ERCC3: variants seen among roughly 807,000 people sequenced by gnomAD.
ERCC3 encodes the protein general transcription and DNA repair factor IIH helicase/translocase subunit XPB.
A neutral mutation model predicts 94.2 loss-of-function variants in ERCC3; 66 were observed. The observed-to-expected ratio is 0.70, with a 90% CI of 0.57 to 0.86. ERCC3 has a LOEUF of 0.86. Ranked by LOEUF, ERCC3 falls within the 40% of genes least tolerant of loss-of-function variation. The pLI is 0.00. For missense variants in ERCC3, 829 were observed against 987.1 expected, an observed-to-expected ratio of 0.84 and a Z score of 2.15; for synonymous variants, 349 against 369.1, an observed-to-expected ratio of 0.95 and a Z score of 0.63.
chr2:127,293,967 G>C, intron 1 of ERCC3, 87 bp downstream of exon 1: 1 of 1,558,918 alleles, frequency 6.4e-7, no homozygotes, highest in Non-Finnish European at 8.6e-7. Flanking sequence ...GTCGGCCGGC[G>C]CAGAGGCCCG....
Position 127,261,218 on chromosome 2 carries a change from G to T in ERCC3, c.2064+10C>A. ...GTCCTAGTCTAACCAGAAGCCAAAT[G>T]GATATGTACCTTGAAGCTATAACCT... On this transcript the variant is annotated intron_variant, in intron 13 of 14. Coordinates refer to ENST00000285398, the MANE Select transcript of ERCC3 (RefSeq NM_000122.2). The T allele has an allele frequency of 1.3e-6, 2 of 1,542,376 alleles. No homozygotes were observed. The highest frequency in any genetic ancestry group is 2.2e-5 in the South Asian group (2 of 89,620).
chr2:127,271,522 ATAAG>A lies in ERCC3; in HGVS notation c.1828-73_1828-70del. The A allele has an allele frequency of 1.9e-6, 2 of 1,030,054 alleles. No homozygotes were observed. The highest frequency in any genetic ancestry group is 3.1e-6 in the Non-Finnish European group (2 of 649,624). The allele number at this position is 1,030,054 out of a possible 1,614,324, so 63.8% of individuals were successfully genotyped here. A position where few individuals can be genotyped will look rare whatever the true frequency, so the allele number is the denominator to read the frequency against. ...AAAAGTCAACTGATCCAGAATTTAA[ATAAG>A]TTCTGTAGATAATTTTGAAACATAA... On this transcript the variant is annotated intron_variant, in intron 11 of 14. Coordinates refer to ENST00000285398, the MANE Select transcript of ERCC3 (RefSeq NM_000122.2). This position sits in a 1 kb window ranked among gnomAD's most constrained non-coding sequence, Gnocchi z 5.0.
At chr2:127,272,007 CTTTTTTTTTTTT>C (rs59921131) in intron 11 of ERCC3, among the ~76,000 whole-genome samples, 20 of 63,056 alleles carry the variant, frequency 3.2e-4, no homozygotes, top group Middle Eastern at 0.028. Flanking sequence ...AATCTCATTT[CTTTTTTTTTTTT>C]TTTTTTTTTT....
rs1261428014 is a variant in ERCC3, at chr2:127,277,067, A to T, written c.1730+2106T>A. Among the ~76,000 whole-genome samples the T allele has an allele frequency of 6.6e-6, 1 of 152,194 alleles. No individual in the cohort carries two copies. The highest frequency in any genetic ancestry group is 1.5e-5 in the Non-Finnish European group (1 of 68,036). Reference sequence around the variant, plus strand: ...CTGGAACATGTGCTCCATCAAAATGAGTAACCAAGAGGGTGGAGATTTCAG... The same window carrying T: ...CTGGAACATGTGCTCCATCAAAATGTGTAACCAAGAGGGTGGAGATTTCAG... On this transcript the variant is annotated intron_variant, in intron 10 of 14. Transcript: ENST00000285398. This position sits in a 1 kb window ranked among gnomAD's most constrained non-coding sequence, Gnocchi z 5.1.
At chr2:127,293,765 T>G in intron 1 of ERCC3, 47 bp from the exon 2 acceptor site, 1 of 1,604,602 alleles carries the variant, frequency 6.2e-7, no homozygotes, top group East Asian at 2.2e-5. Context: ...GCCTTCAGGG[T>G]TCCCTCCGCA....
At chr2:127,272,627 A>T (rs553991270) in intron 11 of ERCC3, among the ~76,000 whole-genome samples, 2 of 152,194 alleles carry the variant, frequency 1.3e-5, no homozygotes, top group African/African-American at 4.8e-5. Flanking sequence ...CTACATCCCC[A>T]AAAGAACTGG....
At chr2:127,289,305 G>A in intron 6 of ERCC3, 32 bp downstream of exon 6, 1 of 1,606,460 alleles carries the variant, frequency 6.2e-7, no homozygotes, top group Non-Finnish European at 8.5e-7. Flanking sequence ...GCAGCTCAGT[G>A]AAGGAACCAG....
At position 127,280,699 on chromosome 2, in the gene ERCC3, A is replaced by G; in HGVS notation, c.1343-68T>C. On this transcript the variant is annotated intron_variant, in intron 8 of 14. Transcript: ENST00000285398. This position sits in a 1 kb window ranked among gnomAD's most constrained non-coding sequence, Gnocchi z 6.3. ...TTATTTTTTATTTATTTATTTTAAA[A>G]TATTTTTTGTAGAGATGGGGTCTCA... The G allele has an allele frequency of 8.5e-6, 12 of 1,405,888 alleles. No individual in the cohort carries two copies. Among genetic ancestry groups the G allele is most frequent in the Non-Finnish European group, 1.2e-5 (12 of 1,020,754 alleles). The allele number at this position is 1,405,888 out of a possible 1,614,324, so 87.1% of individuals were successfully genotyped here.
Position 127,259,552 on chromosome 2 carries a change from C to T in ERCC3, c.2065-104G>A, listed in dbSNP as rs545180132. The stretch of plus-strand genomic sequence containing the variant: ...TGCTTTGGTCACTTCCCTCCCCAGG[C>T]CCAGCCACCCTGGTGGCCAACAATG... On this transcript the variant is annotated intron_variant, in intron 13 of 14. Coordinates refer to ENST00000285398, the MANE Select transcript of ERCC3 (RefSeq NM_000122.2). This position sits in a 1 kb window ranked among gnomAD's most constrained non-coding sequence, Gnocchi z 4.9. 2.0e-6 allele frequency: 3 copies of T among 1,476,686 alleles called. No individual in the cohort carries two copies. The highest frequency in any genetic ancestry group is 2.8e-5 in the African/African-American group (2 of 72,646). 91.5% of individuals were successfully genotyped at this position (1,476,686 alleles called of 1,614,324 possible).
intron 12 of ERCC3, chr2:127,262,569 T>C (rs1474030140): frequency 1.3e-5 from 2 of 152,196 alleles, no homozygotes; most frequent in Admixed American, 6.5e-5. Flanking sequence ...TCTGACTGCA[T>C]TTACATGAAA....
intron 12 of ERCC3, among the ~76,000 whole-genome samples, chr2:127,269,113 TG>T (rs377072163): frequency 1.3e-5 from 2 of 152,366 alleles, no homozygotes; most frequent in African/African-American, 4.8e-5. Context: ...TGTTTATTTC[TG>T]GAATTTTCCA....
chr2:127,271,348 G>A lies in ERCC3; in HGVS notation c.1933C>T (p.Arg645Ter), dbSNP rs1404157087. The A allele has an allele frequency of 5.0e-6, 8 of 1,612,970 alleles. No homozygotes were observed. Among genetic ancestry groups the A allele is most frequent in the African/African-American group, 1.3e-5 (1 of 74,878 alleles). Residue 645 changes from arginine (R) to a stop codon, truncating the protein, a stop_gained, in exon 12 of 15, where the codon CGA becomes TGA. Transcript: ENST00000285398. LOFTEE classifies it high-confidence loss of function. This position sits in a 1 kb window ranked among gnomAD's most constrained non-coding sequence, Gnocchi z 5.0. The stretch of plus-strand genomic sequence containing the variant: ...AAGGCCACTTTACCTTTTTTAGCTC[G>A]AAGCACCCGCCCTAGCCTTTGGGCT... ...QEAQRLGRVL[R>*]AKKGMVAEEY...
chr2:127,257,702 C>T lies in ERCC3; in HGVS notation c.2243G>A (p.Ser748Asn). The change falls in exon 15 of 15, where the codon AGT becomes AAT. Residue 748 changes from serine (S) to asparagine (N), a missense_variant. Coordinates refer to ENST00000285398, the MANE Select transcript of ERCC3 (RefSeq NM_000122.2). The surrounding 1 kb of genome is among the most constrained non-coding windows in gnomAD (Gnocchi z 5.4). ...AGTGTCGTCGGCCCCAGACATAGAA[C>T]TCATGGTGCCAAAGCGCCGAGATGC... ...SQASRRFGTM[S>N]SMSGADDTVY... 1 of 1,614,212 alleles carries T rather than the reference C, an allele frequency of 6.2e-7. No individual in the cohort carries two copies. The highest frequency in any genetic ancestry group is 8.5e-7 in the Non-Finnish European group (1 of 1,180,044).
rs183822181 is a variant in ERCC3 at position 127,275,529 on chromosome 2, C to A, written c.1731-2568G>T. Among the ~76,000 whole-genome samples the A allele has an allele frequency of 2.6e-5, 4 of 152,260 alleles. No individual in the cohort carries two copies. In the East Asian group the frequency reaches 7.7e-4, roughly 29 times the overall value. On this transcript the variant is annotated intron_variant, in intron 10 of 14. Transcript: ENST00000285398. ...AGTGCCAGGCAAATTAACGTCCCTG[C>A]CCAAGCAGATGCTCGGGAGGCTGCG...
At chr2:127,285,522 C>G (rs1354190062) in intron 8 of ERCC3, among the ~76,000 whole-genome samples, 1 of 152,112 alleles carries the variant, frequency 6.6e-6, no homozygotes, top group Non-Finnish European at 1.5e-5. Flanking sequence ...GAAACCCTGT[C>G]TCTACTAAAA....
rs1333666444 is a variant in ERCC3 at position 127,271,589 on chromosome 2, T to C, written c.1828-136A>G. The stretch of plus-strand genomic sequence containing the variant: ...CCTCTTTATACCAGGGTCTATCTGA[T>C]GCAGGCAGAGAGAGGTGAAGCAATA... On this transcript the variant is annotated intron_variant, in intron 11 of 14. Coordinates refer to ENST00000285398, the MANE Select transcript of ERCC3 (RefSeq NM_000122.2). The surrounding 1 kb of genome is among the most constrained non-coding windows in gnomAD (Gnocchi z 5.0). The C allele has an allele frequency of 1.3e-5, 9 of 718,288 alleles. No homozygotes were observed. Among genetic ancestry groups the C allele is most frequent in the Non-Finnish European group, 2.2e-5 (9 of 407,652 alleles). 44.5% of individuals were successfully genotyped at this position (718,288 alleles called of 1,614,324 possible).
chr2:127,270,329 G>A (rs1684509411), intron 12 of ERCC3, among the ~76,000 whole-genome samples: 3 of 152,234 alleles, frequency 2.0e-5, no homozygotes, highest in Middle Eastern at 6.8e-3. Flanking sequence ...CCAGCCAGCC[G>A]ACTACATTTT....
In ERCC3 at chr2:127,294,108, G is replaced by T; in HGVS notation, c.-27C>A. ...GCAGCTACAGCAGCAGAGAGAAGAT[G>T]ACCCCGCTCCCACAGGCCCGCCGCG... On this transcript the variant is annotated 5_prime_UTR_variant, in exon 1 of 15. Coordinates refer to ENST00000285398, the MANE Select transcript of ERCC3 (RefSeq NM_000122.2). The T allele has an allele frequency of 1.2e-6, 2 of 1,604,934 alleles. No homozygotes were observed. The highest frequency in any genetic ancestry group is 1.7e-6 in the Non-Finnish European group (2 of 1,178,984).
intron 12 of ERCC3, among the ~76,000 whole-genome samples, chr2:127,270,906 G>A (rs115997079): frequency 0.012 from 1,887 of 152,304 alleles, 39 homozygotes; most frequent in African/African-American, 0.043. Context: ...TATGAATGAC[G>A]TGCCCATTGT....
Sources: gnomAD v4.1 joint callset for allele counts (sites outside exome capture counted in the v4.1 genomes callset) on GRCh38, gnomAD v4.1.1 for gene constraint, Gnocchi (gnomAD v3.1) non-coding constraint, MANE v1.5 for transcripts, NCBI Gene and HGNC (gene_info 2026-07-23, HGNC 2026-07-21) for gene names.